NCAM2: variants seen among roughly 807,000 people sequenced by gnomAD.
NCAM2 encodes N-CAM-2.
NCAM2 carries 30 observed loss-of-function variants against 98.1 expected under a neutral mutation model. The observed-to-expected ratio is 0.31, with a 90% CI of 0.23 to 0.41. NCAM2 has a LOEUF of 0.41. NCAM2 is among the 10% of genes least tolerant of loss of function. The pLI is 1.00. For synonymous variants in NCAM2, 368 were observed against 342.4 expected, an observed-to-expected ratio of 1.07 and a Z score of -0.83; for missense variants, 867 against 1,005.8, an observed-to-expected ratio of 0.86 and a Z score of 1.87.
At chr21:21,103,315 G>C (rs1405378378) in intron 1 of NCAM2, among the ~76,000 whole-genome samples, 1 of 151,988 alleles carries the variant, frequency 6.6e-6, no homozygotes, top group Non-Finnish European at 1.5e-5. Context: ...TTCTTGATCT[G>C]AGTGGAACTG....
intron 12 of NCAM2, among the ~76,000 whole-genome samples, chr21:21,451,630 G>A (rs568834204): frequency 2.2e-4 from 33 of 152,178 alleles, no homozygotes; most frequent in Non-Finnish European, 1.3e-4. Context: ...TAACAACTGT[G>A]TAATATGTGC....
intron 1 of NCAM2, among the ~76,000 whole-genome samples, chr21:21,182,816 C>T (rs1012932602): frequency 6.6e-6 from 1 of 152,098 alleles, no homozygotes; most frequent in Non-Finnish European, 1.5e-5. Flanking sequence ...ACATGTTGGG[C>T]AGCATTGTTC....
At chr21:21,347,132 A>T (rs183468021) in intron 8 of NCAM2, among the ~76,000 whole-genome samples, 1 of 152,144 alleles carries the variant, frequency 6.6e-6, no homozygotes, top group African/African-American at 2.4e-5. Flanking sequence ...TAGACAGACT[A>T]AGAAACAAAG....
At chr21:21,238,592 A>G (rs1251568756) in intron 1 of NCAM2, among the ~76,000 whole-genome samples, 1 of 143,638 alleles carries the variant, frequency 7.0e-6, no homozygotes, top group Non-Finnish European at 1.5e-5. Flanking sequence ...ATATATTTTT[A>G]TTTTTAATTA....
intron 1 of NCAM2, among the ~76,000 whole-genome samples, chr21:21,131,784 G>A (rs1051807004): frequency 3.9e-5 from 6 of 152,000 alleles, no homozygotes; most frequent in African/African-American, 7.2e-5. Context: ...TATTCAAAAG[G>A]TTTTAACTTA....
chr21:21,398,354 A>T (rs2076559061), intron 9 of NCAM2, among the ~76,000 whole-genome samples: 1 of 152,336 alleles, frequency 6.6e-6, no homozygotes, highest in Non-Finnish European at 1.5e-5. Flanking sequence ...CCCACAAATC[A>T]GCACTAAATA....
At position 21,542,950 on chromosome 21, in the gene NCAM2, A is replaced by G. The variant is rs1427346291; in HGVS notation, c.*4993A>G. 6.6e-6 allele frequency: 1 copy of G among 151,882 alleles called. No individual in the cohort carries two copies. Among genetic ancestry groups the G allele is most frequent in the Admixed American group, 6.6e-5 (1 of 15,194 alleles). 9.4% of individuals were successfully genotyped at this position (151,882 alleles called of 1,614,324 possible). On this transcript the variant is annotated 3_prime_UTR_variant, in exon 18 of 18. Coordinates refer to ENST00000400546, the MANE Select transcript of NCAM2 (RefSeq NM_004540.5). The stretch of plus-strand genomic sequence containing the variant: ...TGTTCCAACTCTTAAAGAAATATTC[A>G]TGGTTTAGCATTTGCCTCTAAACCC...
chr21:21,520,511 A>T (rs1988954808), intron 16 of NCAM2, among the ~76,000 whole-genome samples: 1 of 152,170 alleles, frequency 6.6e-6, no homozygotes. Context: ...AACTGAAGAA[A>T]TATGTATGAA....
chr21:21,468,382 G>A (rs1199836130), intron 13 of NCAM2, among the ~76,000 whole-genome samples: 1 of 151,910 alleles, frequency 6.6e-6, no homozygotes, highest in Non-Finnish European at 1.5e-5. Context: ...TTTTACATTT[G>A]TGCAATGCTA....
At chr21:21,232,260 A>G (rs1221053218) in intron 1 of NCAM2, among the ~76,000 whole-genome samples, 2 of 151,614 alleles carry the variant, frequency 1.3e-5, no homozygotes, top group African/African-American at 2.4e-5. Flanking sequence ...TATGAAGAAA[A>G]TGTACATAAT....
chr21:21,116,450 G>A (rs944138632), intron 1 of NCAM2, among the ~76,000 whole-genome samples: 8 of 152,098 alleles, frequency 5.3e-5, no homozygotes, highest in African/African-American at 1.7e-4. Context: ...TATGGCTGAC[G>A]AAGTGTCTTT....
chr21:21,318,986 A>C lies in NCAM2; in HGVS notation c.620-5397A>C, dbSNP rs191431916. 9.2e-5 allele frequency among the ~76,000 whole-genome samples: 14 copies of C among 152,302 alleles called. 1 individual carries two copies. The East Asian group carries it at 2.3e-3, about 25-fold the overall frequency. ...TCAATATTTGCATAAATAAATGCAT[A>C]TGCTGGCCAGGCTCTGTGAGACACT... On this transcript the variant is annotated intron_variant, in intron 5 of 17. Transcript: ENST00000400546.
At chr21:21,513,430 C>T (rs1406708154) in intron 16 of NCAM2, among the ~76,000 whole-genome samples, 1 of 151,644 alleles carries the variant, frequency 6.6e-6, no homozygotes, top group East Asian at 1.9e-4. Context: ...TTTAATTTTC[C>T]TTTTTAATTT....
intron 4 of NCAM2, among the ~76,000 whole-genome samples, chr21:21,291,779 A>C (rs1377704699): frequency 1.3e-5 from 2 of 151,742 alleles, no homozygotes; most frequent in African/African-American, 4.8e-5. Context: ...GTGATACCTA[A>C]TCTCTCTGCA....
At chr21:21,527,008 A>G (rs2146404716) in intron 16 of NCAM2, among the ~76,000 whole-genome samples, 1 of 152,326 alleles carries the variant, frequency 6.6e-6, no homozygotes, top group East Asian at 1.9e-4. Flanking sequence ...TAAATCAAAA[A>G]ATTATAAAAC....
At chr21:21,197,639 T>C (rs2069052317) in intron 1 of NCAM2, among the ~76,000 whole-genome samples, 1 of 152,212 alleles carries the variant, frequency 6.6e-6, no homozygotes, top group African/African-American at 2.4e-5. Context: ...CACGTTGCAT[T>C]TTCTGTCTAA....
At chr21:21,110,635 G>A (rs1401923165) in intron 1 of NCAM2, among the ~76,000 whole-genome samples, 1 of 150,582 alleles carries the variant, frequency 6.6e-6, no homozygotes, top group Non-Finnish European at 1.5e-5. Context: ...GACTACCAGG[G>A]AATGCCTTGT....
intron 1 of NCAM2, among the ~76,000 whole-genome samples, chr21:21,048,273 A>G (rs376846581): frequency 7.2e-5 from 11 of 152,272 alleles, no homozygotes; most frequent in African/African-American, 2.6e-4. Context: ...AAACTCAACT[A>G]GTTGTCAATC....
chr21:21,149,049 G>A (rs2067370062), intron 1 of NCAM2, among the ~76,000 whole-genome samples: 1 of 151,980 alleles, frequency 6.6e-6, no homozygotes, highest in Admixed American at 6.6e-5. Context: ...TTCTATTTCT[G>A]GACTCTGTTA....
Sources: allele counts gnomAD v4.1 joint callset (sites outside exome capture counted in the v4.1 genomes callset), GRCh38; gene constraint gnomAD v4.1.1; transcripts MANE v1.5; gene names NCBI Gene and HGNC (gene_info 2026-07-23, HGNC 2026-07-21).